The following CENPE variants were observed in gnomAD, a reference collection of about 807,000 sequenced individuals.
The protein encoded by CENPE is centromere protein E.
CENPE carries 145 observed loss-of-function variants against 336.1 expected under a neutral mutation model. The observed-to-expected ratio is 0.43, with a 90% CI of 0.38 to 0.50. The LOEUF (loss-of-function observed/expected upper bound fraction) is 0.50. Ranked by LOEUF, CENPE falls within the 20% of genes least tolerant of loss-of-function variation. The probability of loss-of-function intolerance (pLI) is 0.00; values close to 1 mark genes in which losing one functional copy is unlikely to be tolerated. For synonymous variants in CENPE, 1,013 were observed against 984.8 expected (o/e 1.03, Z -0.54); for missense variants, 2,719 against 3,023.3 (o/e 0.90, Z 2.36).
rs980897800 is a variant in CENPE, at chr4:103,145,509, C to T, written c.4572+14G>A. ...CACCCATTTCCTCCCACTGTTTCTT[C>T]ATCCCCAATTTACCTTGTTCTGTAA... On this transcript the variant is annotated intron_variant, in intron 31 of 48. Coordinates refer to ENST00000265148, the MANE Select transcript of CENPE (RefSeq NM_001813.3). The T allele has an allele frequency of 7.6e-6, 12 of 1,589,350 alleles. No individual in the cohort carries two copies. The highest frequency in any genetic ancestry group is 3.6e-5 in the Admixed American group (2 of 55,810).
chr4:103,125,234 C>T (rs891927206), intron 42 of CENPE, among the ~76,000 whole-genome samples: 2 of 152,164 alleles, frequency 1.3e-5, no homozygotes, highest in African/African-American at 4.8e-5. Flanking sequence ...CAGAAAAGAA[C>T]TATCCAAACA....
chr4:103,138,285 T>A, intron 39 of CENPE, 66 bp downstream of exon 39: 1 of 1,057,706 alleles, frequency 9.5e-7, no homozygotes, highest in Non-Finnish European at 1.5e-6. Flanking sequence ...CAATCCCACT[T>A]CAGGTTTCGG....
chr4:103,140,455 G>A (rs1752451095), intron 36 of CENPE, 41 bp from the exon 37 acceptor site: 2 of 1,339,998 alleles, frequency 1.5e-6, no homozygotes, highest in Non-Finnish European at 2.0e-6. Flanking sequence ...ATGATATAAA[G>A]GCACGTTACC....
Position 103,136,190 on chromosome 4 carries a change from G to A in CENPE, c.6473C>T (p.Ala2158Val), listed in dbSNP as rs1395444788. 2.5e-6 allele frequency: 4 copies of A among 1,613,712 alleles called. No homozygotes were observed. Among genetic ancestry groups the A allele is most frequent in the African/African-American group, 1.3e-5 (1 of 74,898 alleles). ...QTKHIEKLFT[A>V]NQRCSMEFHR... is the part of the protein sequence containing the mutation. Reference sequence around the variant, plus strand: ...GAATTCCATGGAGCATCTCTGGTTTGCAGTAAAAAGTTTTTCAATGTGTTT... The same window carrying A: ...GAATTCCATGGAGCATCTCTGGTTTACAGTAAAAAGTTTTTCAATGTGTTT... Residue 2158 changes from alanine (A) to valine (V), a missense_variant, in exon 40 of 49, where the codon GCA becomes GTA. Ala to Val is a moderately conservative substitution (Grantham distance 64). Around this residue, in one of 5 missense-constraint regions of CENPE, gnomAD observed 2,437 missense variants for 2,513.3 expected, o/e 0.97. Coordinates refer to ENST00000265148, the MANE Select transcript of CENPE (RefSeq NM_001813.3).
intron 16 of CENPE, among the ~76,000 whole-genome samples, chr4:103,165,951 T>G (rs557368409): frequency 6.6e-6 from 1 of 151,776 alleles, no homozygotes; most frequent in African/African-American, 2.4e-5. Flanking sequence ...TCCTCAACTG[T>G]GGTTAAAATG....
At chr4:103,183,025 A>G (rs931399826) in intron 10 of CENPE, 134 bp from the exon 11 acceptor site, 2 of 851,704 alleles carry the variant, frequency 2.3e-6, no homozygotes, top group Non-Finnish European at 3.4e-6. Flanking sequence ...AGGCAGATTA[A>G]AACTACTAAA....
intron 7 of CENPE, 31 bp downstream of exon 7, chr4:103,194,343 A>G (rs757217642): frequency 1.1e-5 from 17 of 1,607,968 alleles, no homozygotes; most frequent in Admixed American, 5.0e-5. Flanking sequence ...TCTTACTTGG[A>G]AAGATCTAAC....
chr4:103,193,679 T>C (rs1328085880), intron 8 of CENPE, among the ~76,000 whole-genome samples: 1 of 152,122 alleles, frequency 6.6e-6, no homozygotes, highest in Non-Finnish European at 1.5e-5. Flanking sequence ...AGACATAAAA[T>C]AGGTATAATG....
At chr4:103,127,811 T>A (rs1221864800) in intron 42 of CENPE, among the ~76,000 whole-genome samples, 1 of 151,874 alleles carries the variant, frequency 6.6e-6, no homozygotes, top group East Asian at 1.9e-4. Context: ...AATGGAATCA[T>A]AAAATAATTT....
At chr4:103,176,160 A>T (rs1400149534) in intron 14 of CENPE, 112 bp from the exon 15 acceptor site, 1 of 592,972 alleles carries the variant, frequency 1.7e-6, no homozygotes, top group Non-Finnish European at 3.0e-6. Context: ...ACTTCAAATT[A>T]ACTACTATGT....
At chr4:103,109,364 G>T (rs1749189389) in intron 47 of CENPE, among the ~76,000 whole-genome samples, 1 of 152,052 alleles carries the variant, frequency 6.6e-6, no homozygotes, top group South Asian at 2.1e-4. Flanking sequence ...ACAACATTAG[G>T]TTTTCAAATG....
At chr4:103,120,112 A>G in intron 44 of CENPE, 36 bp downstream of exon 44, 1 of 1,477,208 alleles carries the variant, frequency 6.8e-7, no homozygotes, top group Non-Finnish European at 9.2e-7. Context: ...AAACAAACAA[A>G]CAAACAAACA....
chr4:103,127,462 G>C (rs947391391), intron 42 of CENPE, among the ~76,000 whole-genome samples: 16 of 152,230 alleles, frequency 1.1e-4, no homozygotes, highest in African/African-American at 3.8e-4. Flanking sequence ...AAGTTCTTCA[G>C]AGGAAAGGAA....
chr4:103,180,475 G>T lies in CENPE; in HGVS notation c.1084-6C>A, dbSNP rs1022426055. On this transcript the variant is annotated splice_region_variant and splice_polypyrimidine_tract_variant and intron_variant, in intron 12 of 48. Coordinates refer to ENST00000265148, the MANE Select transcript of CENPE (RefSeq NM_001813.3). ...GCCCGCGTCTCTAAAGAAACCTATA[G>T]AATGCAATATTGGATTATGTTAATA... The T allele has an allele frequency of 1.9e-6, 3 of 1,600,450 alleles. No individual in the cohort carries two copies. The highest frequency in any genetic ancestry group is 2.6e-6 in the Non-Finnish European group (3 of 1,172,282).
At chr4:103,186,361 T>C (rs1756770302) in intron 8 of CENPE, among the ~76,000 whole-genome samples, 1 of 152,234 alleles carries the variant, frequency 6.6e-6, no homozygotes, top group Admixed American at 6.5e-5. Context: ...TACTTTATCC[T>C]TCCTCCCCGC....
intron 34 of CENPE, 66 bp from the exon 35 acceptor site, chr4:103,141,974 G>T (rs1752603291): frequency 2.0e-6 from 2 of 1,000,840 alleles, no homozygotes. Flanking sequence ...AAAATAAAGT[G>T]ATATATTTTC....
At chr4:103,196,097 C>G in intron 3 of CENPE, 59 bp from the exon 4 acceptor site, 1 of 1,581,152 alleles carries the variant, frequency 6.3e-7, no homozygotes, top group Non-Finnish European at 8.7e-7. Flanking sequence ...ATGGGTAAAA[C>G]TATGCATGCT....
intron 33 of CENPE, 33 bp from the exon 34 acceptor site, chr4:103,143,439 G>A (rs1578597403): frequency 1.4e-6 from 2 of 1,381,836 alleles, no homozygotes; most frequent in Non-Finnish European, 2.1e-6. Flanking sequence ...ATAATACATT[G>A]AGAGTAGTAC....
At chr4:103,163,001 A>G in intron 18 of CENPE, 136 bp downstream of exon 18, 1 of 600,226 alleles carries the variant, frequency 1.7e-6, no homozygotes, top group South Asian at 3.6e-5. Flanking sequence ...AGGGTTATTG[A>G]CAGATTTAAT....
Sources: allele counts gnomAD v4.1 joint callset (sites outside exome capture counted in the v4.1 genomes callset), GRCh38; gene constraint gnomAD v4.1.1; regional missense constraint gnomAD v4.1.1; transcripts MANE v1.5; gene names NCBI Gene and HGNC (gene_info 2026-07-23, HGNC 2026-07-21).